The following GMDS variants were observed in gnomAD, a reference collection of about 807,000 sequenced individuals.
The protein encoded by GMDS is GDP-mannose 4,6-dehydratase.
GMDS carries 20 observed loss-of-function variants against 49.9 expected under a neutral mutation model. The ratio of observed to expected loss-of-function variants is 0.40; its 90% confidence interval spans 0.28 to 0.58. The LOEUF (loss-of-function observed/expected upper bound fraction) is 0.58, where lower values mean the gene tolerates loss of function less well. GMDS is among the 20% of genes least tolerant of loss of function. The pLI, the probability that GMDS is intolerant of heterozygous loss-of-function variation, is 0.42. For synonymous variants in GMDS, 177 were observed against 178.6 expected (o/e 0.99, Z 0.07); for missense variants, 362 against 481.4 (o/e 0.75, Z 2.32).
At chr6:2,065,532 G>T (rs1771516931) in intron 4 of GMDS, among the ~76,000 whole-genome samples, 1 of 152,124 alleles carries the variant, frequency 6.6e-6, no homozygotes, top group Non-Finnish European at 1.5e-5. Context: ...AAAAAATTTA[G>T]AAGAATGTAT....
chr6:2,133,693 G>T (rs1203070353), intron 1 of GMDS, among the ~76,000 whole-genome samples: 4 of 152,064 alleles, frequency 2.6e-5, no homozygotes, highest in Admixed American at 6.5e-5. Flanking sequence ...CTGTGATTTT[G>T]TTACTTAAAA....
chr6:1,994,019 T>G (rs892944030), intron 4 of GMDS, among the ~76,000 whole-genome samples: 2 of 152,172 alleles, frequency 1.3e-5, no homozygotes, highest in African/African-American at 4.8e-5. Flanking sequence ...TTTAACATGT[T>G]CCATTACAGC....
intron 7 of GMDS, among the ~76,000 whole-genome samples, chr6:1,832,403 A>G (rs1033738430): frequency 2.6e-5 from 4 of 151,888 alleles, no homozygotes; most frequent in African/African-American, 9.7e-5. Context: ...CCCCTACAAA[A>G]AAAACAATCC....
chr6:1,979,825 A>G (rs7768968), intron 4 of GMDS, among the ~76,000 whole-genome samples: 87,270 of 152,064 alleles, frequency 0.57, 25,254 homozygotes, highest in African/African-American at 0.66. Flanking sequence ...AAAGGGAAGC[A>G]CGTCAGACTA....
At chr6:1,749,307 G>C (rs983261216) in intron 7 of GMDS, among the ~76,000 whole-genome samples, 1 of 152,186 alleles carries the variant, frequency 6.6e-6, no homozygotes. Context: ...TTGGCTTCTG[G>C]CTGGTTGTAG....
rs575584351 is a variant in GMDS at position 1,765,363 on chromosome 6, A to G, written c.772-22777T>C. On this transcript the variant is annotated intron_variant, in intron 7 of 10. Coordinates refer to ENST00000380815, the MANE Select transcript of GMDS (RefSeq NM_001500.4). ...TAGAGCTGGGGATGGTGTTAACAAG[A>G]AGGTGAGATGGGAACACAACCCATT... 1.1e-4 allele frequency among the ~76,000 whole-genome samples: 16 copies of G among 152,318 alleles called. No individual in the cohort carries two copies. The South Asian group carries it at 3.1e-3, about 30-fold the overall frequency.
At position 2,206,876 on chromosome 6, in the gene GMDS, C is replaced by T. The variant is rs970107624; in HGVS notation, c.102+38445G>A. 4.6e-5 allele frequency among the ~76,000 whole-genome samples: 7 copies of T among 152,168 alleles called. 1 individual carries two copies. The highest frequency in any genetic ancestry group is 7.4e-5 in the Non-Finnish European group (5 of 68,026). Reference sequence around the variant, plus strand: ...ATTCCTTAGTCTGAGGATGTCCTTACCTGTTATCTGAAATTACTCCAGCAG... The same window carrying T: ...ATTCCTTAGTCTGAGGATGTCCTTATCTGTTATCTGAAATTACTCCAGCAG... On this transcript the variant is annotated intron_variant, in intron 1 of 10. Transcript: ENST00000380815.
At chr6:1,806,396 T>A (rs1420674134) in intron 7 of GMDS, among the ~76,000 whole-genome samples, 2 of 151,872 alleles carry the variant, frequency 1.3e-5, no homozygotes, top group East Asian at 3.9e-4. Context: ...AATTTCAGGA[T>A]GGGTGCTCTA....
chr6:1,964,080 C>A (rs1263949316), intron 4 of GMDS, among the ~76,000 whole-genome samples: 1 of 152,226 alleles, frequency 6.6e-6, no homozygotes, highest in Non-Finnish European at 1.5e-5. Context: ...AGGAGAAACA[C>A]ATACGCACAC....
chr6:2,017,507 C>T (rs959270528), intron 4 of GMDS, among the ~76,000 whole-genome samples: 1 of 152,106 alleles, frequency 6.6e-6, no homozygotes, highest in African/African-American at 2.4e-5. Flanking sequence ...CAGGGTTTCA[C>T]CATGTTGTCC....
chr6:2,227,284 T>C (rs1292961808), intron 1 of GMDS, among the ~76,000 whole-genome samples: 2 of 152,020 alleles, frequency 1.3e-5, no homozygotes, highest in Non-Finnish European at 2.9e-5. Flanking sequence ...AACACCTCAC[T>C]TTTCAAACAC....
Position 1,916,852 on chromosome 6 carries a change from C to A in GMDS, c.771+13251G>T, listed in dbSNP as rs6913067. Among the ~76,000 whole-genome samples the A allele has an allele frequency of 9.9e-3, 1,499 of 152,070 alleles. 27 individuals carry two copies. The highest frequency in any genetic ancestry group is 0.034 in the African/African-American group (1,424 of 41,476). ...TGACAAAAGGCAATGGAATCTAAACCACCCATGCCACGTCTTCAAGCTTCT... is the reference window on the plus strand; with the variant it reads ...TGACAAAAGGCAATGGAATCTAAACAACCCATGCCACGTCTTCAAGCTTCT... On this transcript the variant is annotated intron_variant, in intron 7 of 10. Coordinates refer to ENST00000380815, the MANE Select transcript of GMDS (RefSeq NM_001500.4).
intron 1 of GMDS, among the ~76,000 whole-genome samples, chr6:2,198,947 T>C (rs1779391657): frequency 6.6e-6 from 1 of 152,232 alleles, no homozygotes. Context: ...TGGTAATGGC[T>C]TACAGCTTTG....
At chr6:1,785,370 A>G (rs531462221) in intron 7 of GMDS, among the ~76,000 whole-genome samples, 1 of 152,344 alleles carries the variant, frequency 6.6e-6, no homozygotes. Context: ...AAAACTTGGT[A>G]GCTTAAGACC....
chr6:1,985,077 G>GA (rs900762289), intron 4 of GMDS, among the ~76,000 whole-genome samples: 45 of 152,046 alleles, frequency 3.0e-4, no homozygotes, highest in African/African-American at 1.1e-3. Context: ...TCCAGCCCAT[G>GA]AAAAAAAGAT....
chr6:2,038,336 G>C (rs1769427579), intron 4 of GMDS, among the ~76,000 whole-genome samples: 1 of 152,174 alleles, frequency 6.6e-6, no homozygotes, highest in Non-Finnish European at 1.5e-5. Flanking sequence ...AAAGTGCTTT[G>C]ATAAGCAAAC....
intron 7 of GMDS, among the ~76,000 whole-genome samples, chr6:1,862,516 T>A (rs1376963640): frequency 2.6e-5 from 4 of 152,184 alleles, no homozygotes; most frequent in African/African-American, 9.7e-5. Flanking sequence ...TCAGAAAAAA[T>A]TCTTTGTATT....
At chr6:2,154,863 C>CAAAAAAAAAAAAA (rs70992124) in intron 1 of GMDS, among the ~76,000 whole-genome samples, 7 of 65,626 alleles carry the variant, frequency 1.1e-4, no homozygotes, top group South Asian at 8.5e-4. Context: ...TGAAGAGATG[C>CAAAAAAAAAAAAA]AAAAAAAAAA....
chr6:1,845,272 A>C (rs1757342134), intron 7 of GMDS, among the ~76,000 whole-genome samples: 1 of 152,220 alleles, frequency 6.6e-6, no homozygotes. Context: ...TAATGGCAGA[A>C]AGTGTAATGG....
Sources: allele counts gnomAD v4.1 joint callset (sites outside exome capture counted in the v4.1 genomes callset), GRCh38; gene constraint gnomAD v4.1.1; transcripts MANE v1.5; gene names NCBI Gene and HGNC (gene_info 2026-07-23, HGNC 2026-07-21).